CYLD: variants seen among roughly 807,000 people sequenced by gnomAD.
CYLD encodes ubiquitin carboxyl-terminal hydrolase CYLD.
Under a neutral mutation model 104.5 loss-of-function variants are expected in CYLD, and 26 were observed. The ratio of observed to expected loss-of-function variants is 0.25; its 90% CI spans 0.18 to 0.35. The LOEUF is 0.35. CYLD is among the 10% of genes least tolerant of loss of function. CYLD has a pLI of 1.00. For missense variants in CYLD, 703 were observed against 1,136.1 expected, an observed-to-expected ratio of 0.62 and a Z score of 5.48; for synonymous variants, 385 against 399.9, an observed-to-expected ratio of 0.96 and a Z score of 0.45.
chr16:50,801,205 T>G lies in CYLD; in HGVS notation c.*4697T>G, dbSNP rs1239262387. ...TGAGTCAGGATGCAGTGGTAATGCA[T>G]TAACCAGCAAGTGTGGCCAAGGATA... is the stretch of plus-strand genomic sequence containing the variant. On this transcript the variant is annotated 3_prime_UTR_variant, in exon 19 of 19. Transcript: ENST00000427738. 4 of 233,316 alleles carry G rather than the reference T, an allele frequency of 1.7e-5. No individual in the cohort carries two copies. Among genetic ancestry groups the G allele is most frequent in the African/African-American group, 8.8e-5 (4 of 45,340 alleles). 14.5% of individuals were successfully genotyped at this position (233,316 alleles called of 1,614,324 possible). A position where few individuals can be genotyped will look rare whatever the true frequency, so the allele number is the denominator to read the frequency against.
chr16:50,791,520 A>G (rs201595222), intron 14 of CYLD, 38 bp from the exon 15 acceptor site: 2 of 1,611,444 alleles, frequency 1.2e-6, no homozygotes, highest in African/African-American at 1.3e-5. Flanking sequence ...GCATTTGATA[A>G]ATAGGTTGTA....
rs1281354923 is a variant in CYLD, at chr16:50,800,373, C to T, written c.*3865C>T. ...TTTTTGTGATTTTGTGGTCATGTAA[C>T]GTTACTGTATTATTCTACGTAAATG... is the stretch of plus-strand genomic sequence containing the variant. On this transcript the variant is annotated 3_prime_UTR_variant, in exon 19 of 19. Coordinates refer to ENST00000427738, the MANE Select transcript of CYLD (RefSeq NM_001378743.1). 8.6e-6 allele frequency: 2 copies of T among 233,104 alleles called. No individual in the cohort carries two copies. The highest frequency in any genetic ancestry group is 5.6e-5 in the Admixed American group (1 of 17,774). 14.4% of individuals were successfully genotyped at this position (233,104 alleles called of 1,614,324 possible).
chr16:50,771,402 CA>C lies in CYLD; in HGVS notation c.914-3763del, dbSNP rs201907200. 9.3e-3 allele frequency among the ~76,000 whole-genome samples: 1,417 copies of C among 152,276 alleles called. 9 individuals carry two copies. Among genetic ancestry groups the C allele is most frequent in the Non-Finnish European group, 0.016 (1,070 of 68,022 alleles). On this transcript the variant is annotated intron_variant, in intron 5 of 18. Coordinates refer to ENST00000427738, the MANE Select transcript of CYLD (RefSeq NM_001378743.1). ...ATGGATCTGCCGTATTTTGTTTAGC[CA>C]TTTTTCAGTCGATGGACGTCAGTTT...
chr16:50,781,397 G>T lies in CYLD; in HGVS notation c.1670G>T (p.Arg557Leu). 6.2e-7 allele frequency: 1 copy of T among 1,613,538 alleles called. No homozygotes were observed. Residue 557 changes from arginine (R) to leucine (L), a missense_variant, in exon 10 of 19, where the codon CGC becomes CTC. Transcript: ENST00000427738. Reference sequence around the variant, plus strand: ...CAGCCGGTTTCCAATCAGATTGAGCGCTGTAACTCTTTAGGTATTTGGATG... The same window carrying T: ...CAGCCGGTTTCCAATCAGATTGAGCTCTGTAACTCTTTAGGTATTTGGATG... ...SLQPVSNQIE[R>L]CNSLAFGGYL... is the part of the protein sequence containing the mutation.
intron 12 of CYLD, chr16:50,785,495 A>G (rs1437215915): frequency 6.6e-6 from 1 of 152,222 alleles, no homozygotes; most frequent in Non-Finnish European, 1.5e-5. Context: ...TGATTTTCAC[A>G]TCAACTATTT....
At position 50,799,955 on chromosome 16, in the gene CYLD, A is replaced by G. The variant is rs577399038; in HGVS notation, c.*3447A>G. The G allele has an allele frequency of 4.7e-5, 11 of 233,138 alleles. No homozygotes were observed. The Admixed American group carries it at 6.2e-4, about 13-fold the overall frequency. The allele number at this position is 233,138 out of a possible 1,614,324, so 14.4% of individuals were successfully genotyped here. The stretch of plus-strand genomic sequence containing the variant: ...TATGAAATGTGTCCCTGCCCTACCT[A>G]GTTTTAACGACAGAATATCTATTAA... On this transcript the variant is annotated 3_prime_UTR_variant, in exon 19 of 19. Coordinates refer to ENST00000427738, the MANE Select transcript of CYLD (RefSeq NM_001378743.1).
In CYLD at chr16:50,801,333, T is replaced by C; in HGVS notation, c.*4825T>C. The C allele has an allele frequency of 4.3e-6, 1 of 233,542 alleles. No homozygotes were observed. Among genetic ancestry groups the C allele is most frequent in the Middle Eastern group, 1.3e-3 (1 of 786 alleles). 14.5% of individuals were successfully genotyped at this position (233,542 alleles called of 1,614,324 possible). A position where few individuals can be genotyped will look rare whatever the true frequency, so the allele number is the denominator to read the frequency against. On this transcript the variant is annotated 3_prime_UTR_variant, in exon 19 of 19. Transcript: ENST00000427738. ...AACCACATTTGATTTCCTGGCCCTT[T>C]GCCTTGGCAGTGATGGCATTTTTAT...
intron 2 of CYLD, among the ~76,000 whole-genome samples, chr16:50,743,889 G>A (rs1303553025): frequency 1.3e-5 from 2 of 152,094 alleles, no homozygotes; most frequent in South Asian, 2.1e-4. Flanking sequence ...TGAAGTTTTA[G>A]GCAAAATTCA....
chr16:50,751,978 A>AT (rs1209458294), intron 4 of CYLD, 72 bp downstream of exon 4: 73 of 402,808 alleles, frequency 1.8e-4, no homozygotes, highest in Middle Eastern at 8.6e-4. Context: ...ATATATATAT[A>AT]AACATATATA....
chr16:50,794,958 TA>T lies in CYLD; in HGVS notation c.2686+538del, dbSNP rs952223438. ...TTTTGACATGCATATGCTCTTTTTT[TA>T]AAAAAAAGAATCCTAAAATTCTTAT... On this transcript the variant is annotated intron_variant, in intron 18 of 18. Transcript: ENST00000427738. This position sits in a 1 kb window ranked among gnomAD's most constrained non-coding sequence, Gnocchi z 4.1. The T allele has an allele frequency of 1.2e-5, 2 of 165,800 alleles. No homozygotes were observed. The highest frequency in any genetic ancestry group is 2.6e-5 in the Non-Finnish European group (2 of 76,050). The allele number at this position is 165,800 out of a possible 1,614,324, so 10.3% of individuals were successfully genotyped here.
At chr16:50,755,656 G>A (rs1317776715) in intron 5 of CYLD, among the ~76,000 whole-genome samples, 1 of 152,102 alleles carries the variant, frequency 6.6e-6, no homozygotes, top group Non-Finnish European at 1.5e-5. Context: ...CCATATGCTT[G>A]TTGGCTATTT....
chr16:50,789,087 CTATTA>C (rs1353322619), intron 14 of CYLD, among the ~76,000 whole-genome samples: 1 of 152,076 alleles, frequency 6.6e-6, no homozygotes, highest in Non-Finnish European at 1.5e-5. Context: ...AAATAGATTT[CTATTA>C]TAAGCTACGA....
intron 4 of CYLD, 56 bp downstream of exon 4, chr16:50,751,962 ATG>A (rs1359214852): frequency 1.8e-6 from 1 of 560,998 alleles, no homozygotes; most frequent in Non-Finnish European, 2.6e-6. Context: ...TTATATATAT[ATG>A]TATATATATA....
chr16:50,785,483 C>T (rs1447273853), intron 12 of CYLD: 1 of 152,106 alleles, frequency 6.6e-6, no homozygotes, highest in African/African-American at 2.4e-5. Flanking sequence ...AATTGTGAAT[C>T]TTGATTTTCA....
chr16:50,773,035 A>G (rs1969314914), intron 5 of CYLD, among the ~76,000 whole-genome samples: 1 of 152,226 alleles, frequency 6.6e-6, no homozygotes, highest in African/African-American at 2.4e-5. Context: ...TATTTCTGGC[A>G]TCGGGTTTAA....
chr16:50,795,761 A>G, intron 18 of CYLD: 1 of 581,364 alleles, frequency 1.7e-6, no homozygotes, highest in Non-Finnish European at 3.1e-6. Flanking sequence ...GCGTAACACA[A>G]CAGCATAGGT....
chr16:50,784,064 T>C (rs1358993776), intron 11 of CYLD: 1 of 397,060 alleles, frequency 2.5e-6, no homozygotes, highest in Admixed American at 3.7e-5. Context: ...TGTTGGCACG[T>C]TGTTATCCTT....
chr16:50,758,319 G>A (rs1225214226), intron 5 of CYLD, among the ~76,000 whole-genome samples: 2 of 152,282 alleles, frequency 1.3e-5, no homozygotes, highest in Non-Finnish European at 1.5e-5. Flanking sequence ...GTTGACTGTG[G>A]CTGCGGCAGA....
Position 50,796,558 on chromosome 16 carries a change from G to A in CYLD, c.*50G>A. 1.3e-6 allele frequency: 2 copies of A among 1,579,458 alleles called. No homozygotes were observed. Among genetic ancestry groups the A allele is most frequent in the Non-Finnish European group, 8.6e-7 (1 of 1,156,412 alleles). On this transcript the variant is annotated 3_prime_UTR_variant, in exon 19 of 19. Transcript: ENST00000427738. ...AAACTGAAGGCAGAGTCCTAACGTT[G>A]CATCTTATTCGAGCTGGCAGTTCTG...
Sources: gnomAD v4.1 joint callset for allele counts (sites outside exome capture counted in the v4.1 genomes callset) on GRCh38, gnomAD v4.1.1 for gene constraint, Gnocchi (gnomAD v3.1) non-coding constraint, MANE v1.5 for transcripts, NCBI Gene and HGNC (gene_info 2026-07-23, HGNC 2026-07-21) for gene names.